ALMS1: variants seen among roughly 807,000 people sequenced by gnomAD.
ALMS1 encodes centrosome-associated protein ALMS1.
ALMS1 carries 271 observed loss-of-function variants against 352.2 expected under a neutral mutation model. The observed-to-expected ratio is 0.77, with a 90% CI of 0.70 to 0.85. The LOEUF is 0.85. Among genes scored for constraint, ALMS1 ranks in the 40% least tolerant of loss-of-function variants. The pLI, the probability that ALMS1 is intolerant of heterozygous loss-of-function variation, is 0.00. For synonymous variants in ALMS1, 1,865 were observed against 1,761.2 expected (o/e 1.06, Z -1.48); for missense variants, 5,445 against 4,870.7 (o/e 1.12, Z -3.51).
At chr2:73,496,521 A>G (rs558948191) in intron 10 of ALMS1, among the ~76,000 whole-genome samples, 9 of 152,264 alleles carry the variant, frequency 5.9e-5, no homozygotes, top group African/African-American at 2.2e-4. Flanking sequence ...GTTTGGGACC[A>G]TTAAAATTAG....
intron 13 of ALMS1, among the ~76,000 whole-genome samples, chr2:73,554,627 G>A (rs560353265): frequency 1.3e-5 from 2 of 152,028 alleles, no homozygotes; most frequent in Non-Finnish European, 2.9e-5. Context: ...GTAGGAGAAT[G>A]GCATGAACCT....
At chr2:73,432,324 C>A in intron 7 of ALMS1, 33 bp downstream of exon 7, 1 of 1,467,580 alleles carries the variant, frequency 6.8e-7, no homozygotes, top group Non-Finnish European at 9.5e-7. Flanking sequence ...AAATGTCCTA[C>A]TTACGGATAC....
At chr2:73,603,339 G>A (rs1467621317) in intron 21 of ALMS1, 35 bp downstream of exon 21, 3 of 1,602,984 alleles carry the variant, frequency 1.9e-6, no homozygotes, top group South Asian at 2.2e-5. Flanking sequence ...GTATACAAGT[G>A]TAAACCAGGC....
chr2:73,478,176 G>T lies in ALMS1; in HGVS notation c.7675-11458G>T, dbSNP rs116278395. Among the ~76,000 whole-genome samples, 1,348 of 152,202 alleles carry T rather than the reference G, an allele frequency of 8.9e-3. 14 individuals carry two copies. Among genetic ancestry groups the T allele is most frequent in the African/African-American group, 0.031 (1,291 of 41,538 alleles). ...TGCTGAGAAATTTTATCACAAAAAC[G>T]TATTGGGTTTTGTTGAACTGAACAG... is the stretch of plus-strand genomic sequence containing the variant. On this transcript the variant is annotated intron_variant, in intron 9 of 22. Transcript: ENST00000613296.
At chr2:73,454,137 T>A in intron 8 of ALMS1, 70 bp downstream of exon 8, 1 of 1,543,422 alleles carries the variant, frequency 6.5e-7, no homozygotes, top group Non-Finnish European at 8.7e-7. Context: ...TATTTATGTT[T>A]TGAGGAAGCT....
At chr2:73,481,395 T>A (rs541748946) in intron 9 of ALMS1, among the ~76,000 whole-genome samples, 3 of 152,008 alleles carry the variant, frequency 2.0e-5, no homozygotes, top group African/African-American at 4.8e-5. Flanking sequence ...GTAGATATGC[T>A]GCATTATTTC....
At chr2:73,419,081 T>C in intron 2 of ALMS1, 42 bp from the exon 3 acceptor site, 1 of 1,501,980 alleles carries the variant, frequency 6.7e-7, no homozygotes, top group South Asian at 1.1e-5. Flanking sequence ...GTATGGTAAC[T>C]CAGTTAATGA....
intron 9 of ALMS1, among the ~76,000 whole-genome samples, chr2:73,463,771 C>A (rs1453155783): frequency 4.2e-5 from 6 of 142,160 alleles, no homozygotes; most frequent in Non-Finnish European, 9.2e-5. Flanking sequence ...GATATCACCA[C>A]CGATCCCACA....
intron 6 of ALMS1, 64 bp from the exon 7 acceptor site, chr2:73,432,134 T>G: frequency 8.4e-7 from 1 of 1,193,304 alleles, no homozygotes; most frequent in South Asian, 1.2e-5. Flanking sequence ...CGTAGGTGGG[T>G]CATTCTAATC....
At chr2:73,474,637 G>C (rs1254276709) in intron 9 of ALMS1, among the ~76,000 whole-genome samples, 1 of 151,974 alleles carries the variant, frequency 6.6e-6, no homozygotes, top group African/African-American at 2.4e-5. Flanking sequence ...ACTGCACCTG[G>C]CTGATGTGTC....
Position 73,480,588 on chromosome 2 carries a change from C to G in ALMS1, c.7675-9046C>G, listed in dbSNP as rs1210437114. On this transcript the variant is annotated intron_variant, in intron 9 of 22. Transcript: ENST00000613296. ...TGATTTATAGTCCTTTGGGTATATA[C>G]CCAGTAATGGGATGGCTGGGTCAAA... is the stretch of plus-strand genomic sequence containing the variant. Among the ~76,000 whole-genome samples, 108 of 151,782 alleles carry G rather than the reference C, an allele frequency of 7.1e-4. No individual in the cohort carries two copies. The Middle Eastern group carries it at 0.01, about 14-fold the overall frequency.
intron 10 of ALMS1, among the ~76,000 whole-genome samples, chr2:73,494,781 T>G (rs1673068830): frequency 6.6e-6 from 1 of 152,230 alleles, no homozygotes; most frequent in Non-Finnish European, 1.5e-5. Flanking sequence ...TGGTATCTGC[T>G]AGGATTCTCC....
At chr2:73,530,917 C>T (rs1187188141) in intron 11 of ALMS1, among the ~76,000 whole-genome samples, 2 of 152,218 alleles carry the variant, frequency 1.3e-5, no homozygotes, top group African/African-American at 4.8e-5. Context: ...AGCTGGGACA[C>T]AGGGCACCAA....
chr2:73,517,465 C>T (rs1673584606), intron 10 of ALMS1, among the ~76,000 whole-genome samples: 1 of 151,464 alleles, frequency 6.6e-6, no homozygotes, highest in Non-Finnish European at 1.5e-5. Context: ...CCAGGGTGAC[C>T]TCTAACTCCT....
chr2:73,581,503 A>G (rs537683823), intron 16 of ALMS1, among the ~76,000 whole-genome samples: 45 of 152,290 alleles, frequency 3.0e-4, no homozygotes, highest in African/African-American at 1.1e-3. Flanking sequence ...AAATGCTACA[A>G]AGTTCTTCTA....
At chr2:73,477,044 T>C (rs1052898710) in intron 9 of ALMS1, among the ~76,000 whole-genome samples, 1 of 152,152 alleles carries the variant, frequency 6.6e-6, no homozygotes, top group Non-Finnish European at 1.5e-5. Flanking sequence ...TTTGCAAATA[T>C]TTTCTCCCAT....
At chr2:73,466,178 T>A (rs1672339097) in intron 9 of ALMS1, among the ~76,000 whole-genome samples, 1 of 152,140 alleles carries the variant, frequency 6.6e-6, no homozygotes, top group African/African-American at 2.4e-5. Flanking sequence ...TAAAGACACA[T>A]ACACATGTAC....
At chr2:73,600,538 C>T (rs1271816285) in intron 17 of ALMS1, 140 bp from the exon 18 acceptor site, 17 of 714,928 alleles carry the variant, frequency 2.4e-5, no homozygotes, top group South Asian at 8.0e-5. Context: ...CTTTCTCTTC[C>T]TCTCTCTTCG....
In ALMS1 at chr2:73,438,459, A is replaced by G. The variant is rs1671649231; in HGVS notation, c.1432+6168A>G. Among the ~76,000 whole-genome samples the G allele has an allele frequency of 2.0e-5, 3 of 152,220 alleles. No homozygotes were observed. The South Asian group carries it at 6.2e-4, about 31-fold the overall frequency. ...CAAGTTTGGATCTGGATTATTGAAA[A>G]AGAATCGGTGACACCATTAGAAAGT... On this transcript the variant is annotated intron_variant, in intron 7 of 22. Transcript: ENST00000613296.
Sources: gnomAD v4.1 joint callset for allele counts (sites outside exome capture counted in the v4.1 genomes callset) on GRCh38, gnomAD v4.1.1 for gene constraint, MANE v1.5 for transcripts, NCBI Gene and HGNC (gene_info 2026-07-23, HGNC 2026-07-21) for gene names.